The following SH2B2 variants were observed in gnomAD, a reference collection of about 807,000 sequenced individuals.
SH2B2 encodes SH2B adaptor protein 2, also known as SH2B adapter protein 2.
Under a neutral mutation model 35.7 loss-of-function variants are expected in SH2B2, and 37 were observed. The observed-to-expected ratio is 1.04, with a 90% CI of 0.80 to 1.36. The LOEUF is 1.36. Among genes scored for constraint, SH2B2 ranks in the 40% most tolerant of loss-of-function variants. SH2B2 has a pLI of 0.00. For synonymous variants in SH2B2, 383 were observed against 376.4 expected, an observed-to-expected ratio of 1.02 and a Z score of -0.20; for missense variants, 852 against 817.7, an observed-to-expected ratio of 1.04 and a Z score of -0.51.
chr7:102,292,567 T>C (rs1016062040), intron 1 of SH2B2, among the ~76,000 whole-genome samples: 2 of 150,930 alleles, frequency 1.3e-5, no homozygotes, highest in African/African-American at 4.9e-5. Flanking sequence ...CCATGGCGTC[T>C]TGTGCCTGTA....
intron 6 of SH2B2, among the ~76,000 whole-genome samples, chr7:102,315,779 A>AGGAG (rs1258539158): frequency 5.5e-4 from 55 of 99,764 alleles, no homozygotes; most frequent in African/African-American, 1.6e-3. Flanking sequence ...AAAAGAAGAA[A>AGGAG]GGAGGGAGGG....
chr7:102,300,812 CG>C lies in SH2B2; in HGVS notation c.266del (p.Gly89AlafsTer4). The C allele has an allele frequency of 6.1e-6, 9 of 1,484,372 alleles. No individual in the cohort carries two copies. The highest frequency in any genetic ancestry group is 6.3e-6 in the Non-Finnish European group (7 of 1,113,600). The allele number at this position is 1,484,372 out of a possible 1,614,324, so 92.0% of individuals were successfully genotyped here. On this transcript the variant is annotated frameshift_variant, in exon 2 of 9. Transcript: ENST00000444095. LOFTEE classifies it high-confidence loss of function. Reference sequence around the variant, plus strand: ...CGTGCTGGTGGCTGGGCCGACGACTCGGGGCGCGGCCGTGAGCGCAGAGGCC... The same window carrying C: ...CGTGCTGGTGGCTGGGCCGACGACTCGGGCGCGGCCGTGAGCGCAGAGGCC... Reference protein sequence around the residue: ...RRVLVAGPTTRGAAVSAEAME... With the variant: ...RRVLVAGPTTXGAAVSAEAME...
upstream of SH2B2, chr7:102,285,349 C>G: frequency 1.1e-6 from 1 of 905,932 alleles, no homozygotes; most frequent in East Asian, 2.6e-5. Context: ...CTCCCACTCT[C>G]GGGCACCCCC....
In SH2B2 at chr7:102,297,973, A is replaced by G. The variant is rs1485905927; in HGVS notation, c.-29-2549A>G. 6.6e-6 allele frequency among the ~76,000 whole-genome samples: 1 copy of G among 152,198 alleles called. No homozygotes were observed. Among genetic ancestry groups the G allele is most frequent in the Non-Finnish European group, 1.5e-5 (1 of 68,036 alleles). ...AGGCTATCCGCCAAGCCATTGGTTG[A>G]GCAGAAACCTGAAGAAGGTGAGGGA... is the stretch of plus-strand genomic sequence containing the variant. On this transcript the variant is annotated intron_variant, in intron 1 of 8. Coordinates refer to ENST00000444095, the MANE Select transcript of SH2B2 (RefSeq NM_001359228.2). The surrounding 1 kb of genome is among the most constrained non-coding windows in gnomAD (Gnocchi z 4.3).
At position 102,317,194 on chromosome 7, in the gene SH2B2, G is replaced by C; in HGVS notation, c.1194G>C (p.Gln398His). Residue 398 changes from glutamine (Q) to histidine (H), a missense_variant, in exon 7 of 9, where the codon CAG (glutamine) becomes CAC (histidine). Gln to His is a conservative substitution (Grantham distance 24, BLOSUM62 0). This residue lies in a region of SH2B2 where 556 missense variants were observed against 514.5 expected (regional missense o/e 1.08). Transcript: ENST00000444095. ...SGSDSNNTGE[Q>H]GAETDPEAEP... Reference sequence around the variant, plus strand: ...CTGTCATCCCCACCTCAGGGGAACAGGGTGCAGAGACGGATCCCGAGGCTG... The same window carrying C: ...CTGTCATCCCCACCTCAGGGGAACACGGTGCAGAGACGGATCCCGAGGCTG... 6.3e-7 allele frequency: 1 copy of C among 1,599,222 alleles called. No homozygotes were observed.
rs1554553400 is a variant in SH2B2 at position 102,300,604 on chromosome 7, C to T, written c.54C>T (p.Val18=). 4 of 1,551,100 alleles carry T rather than the reference C, an allele frequency of 2.6e-6. No homozygotes were observed. In the Admixed American group the frequency reaches 7.9e-5, roughly 31 times the overall value. The change falls in exon 2 of 9, where the codon GTC becomes GTT. Residue 18 remains valine, a synonymous_variant. Coordinates refer to ENST00000444095, the MANE Select transcript of SH2B2 (RefSeq NM_001359228.2). ...PAAAAPVPVP[V]PVPDWRQFCE... ...CAGCCGCCCCGGTCCCAGTCCCGGTCCCGGTCCCGGACTGGCGGCAGTTCT... is the reference window on the plus strand; with the variant it reads ...CAGCCGCCCCGGTCCCAGTCCCGGTTCCGGTCCCGGACTGGCGGCAGTTCT...
chr7:102,289,994 C>T (rs1310268441), intron 1 of SH2B2, among the ~76,000 whole-genome samples: 3 of 152,212 alleles, frequency 2.0e-5, no homozygotes, highest in African/African-American at 4.8e-5. Context: ...CTCTTGAGCC[C>T]ACAGGCCCTG....
chr7:102,292,751 G>T (rs901399589), intron 1 of SH2B2, among the ~76,000 whole-genome samples: 2 of 152,168 alleles, frequency 1.3e-5, no homozygotes, highest in South Asian at 2.1e-4. Flanking sequence ...TCATTGGGGG[G>T]TAGGTGGCAC....
At chr7:102,318,525 C>T (rs1793943141) in intron 7 of SH2B2, among the ~76,000 whole-genome samples, 1 of 152,188 alleles carries the variant, frequency 6.6e-6, no homozygotes. Context: ...GCAGGAACCT[C>T]AGTGCCCACC....
chr7:102,304,264 A>G (rs1793306547), intron 2 of SH2B2, among the ~76,000 whole-genome samples: 1 of 151,932 alleles, frequency 6.6e-6, no homozygotes. Context: ...TCCCTCTCAC[A>G]CAGCCTTTGA....
intron 2 of SH2B2, among the ~76,000 whole-genome samples, chr7:102,303,761 G>A (rs1211873462): frequency 1.3e-5 from 2 of 152,210 alleles, no homozygotes; most frequent in Non-Finnish European, 2.9e-5. Flanking sequence ...AGGGACAGAA[G>A]CCCAGGGCTC....
intron 2 of SH2B2, 141 bp downstream of exon 2, chr7:102,301,420 G>A: frequency 9.4e-7 from 1 of 1,059,780 alleles, no homozygotes; most frequent in Non-Finnish European, 1.3e-6. Flanking sequence ...CCAGGACCCT[G>A]GGAGGTGGGC....
chr7:102,308,974 G>A, intron 4 of SH2B2, 68 bp downstream of exon 4: 2 of 1,262,174 alleles, frequency 1.6e-6, no homozygotes, highest in Admixed American at 3.4e-5. Context: ...CCTTCACCAG[G>A]AGCAGCTTCC....
intron 1 of SH2B2, among the ~76,000 whole-genome samples, chr7:102,292,753 A>G (rs998406642): frequency 6.6e-6 from 1 of 152,124 alleles, no homozygotes; most frequent in Non-Finnish European, 1.5e-5. Flanking sequence ...ATTGGGGGGT[A>G]GGTGGCACTG....
chr7:102,316,484 GGCT>G (rs1380177933), intron 6 of SH2B2, among the ~76,000 whole-genome samples: 1 of 152,162 alleles, frequency 6.6e-6, no homozygotes, highest in Admixed American at 6.6e-5. Context: ...ATACTTGGGA[GGCT>G]GAGGCAGGAG....
chr7:102,288,895 CAG>C (rs1792563038), intron 1 of SH2B2, among the ~76,000 whole-genome samples: 2 of 152,250 alleles, frequency 1.3e-5, no homozygotes, highest in African/African-American at 2.4e-5. Context: ...CCTGCCTACC[CAG>C]CCTGGGTTGC....
Position 102,306,825 on chromosome 7 carries a change from G to A in SH2B2, c.831+3G>A, listed in dbSNP as rs372747794. On this transcript the variant is annotated splice_donor_region_variant and intron_variant, in intron 3 of 8. Coordinates refer to ENST00000444095, the MANE Select transcript of SH2B2 (RefSeq NM_001359228.2). ...AGGATAACACATTCGTCCTCAAGGT[G>A]AGGTCTCACCCCTAACCTCAGAGAT... 870 of 1,569,982 alleles carry A rather than the reference G, an allele frequency of 5.5e-4. No homozygotes were observed. The highest frequency in any genetic ancestry group is 7.1e-4 in the Non-Finnish European group (823 of 1,156,528).
Position 102,297,048 on chromosome 7 carries a change from C to G in SH2B2, c.-29-3474C>G, listed in dbSNP as rs1171778584. On this transcript the variant is annotated intron_variant, in intron 1 of 8. Transcript: ENST00000444095. The surrounding 1 kb of genome is among the most constrained non-coding windows in gnomAD (Gnocchi z 4.3). ...CTTTGCTTTCCAAGGCTTCAGATAC[C>G]CGTGGTCAACAGAGGTCTGAAAATA... is the stretch of plus-strand genomic sequence containing the variant. 1.3e-5 allele frequency among the ~76,000 whole-genome samples: 2 copies of G among 152,002 alleles called. No individual in the cohort carries two copies. Among genetic ancestry groups the G allele is most frequent in the African/African-American group, 4.8e-5 (2 of 41,372 alleles).
At chr7:102,307,644 C>CA (rs1426446198) in intron 3 of SH2B2, among the ~76,000 whole-genome samples, 4 of 152,130 alleles carry the variant, frequency 2.6e-5, no homozygotes, top group African/African-American at 9.7e-5. Flanking sequence ...TCATGCATGA[C>CA]AGCCTTGAGG....
Sources: gnomAD v4.1 joint callset for allele counts (sites outside exome capture counted in the v4.1 genomes callset) on GRCh38, gnomAD v4.1.1 for gene constraint, gnomAD v4.1.1 regional missense constraint, Gnocchi (gnomAD v3.1) non-coding constraint, MANE v1.5 for transcripts, NCBI Gene and HGNC (gene_info 2026-07-23, HGNC 2026-07-21) for gene names.